Variants in VCAN observed in about 807,000 individuals in gnomAD.
VCAN encodes the protein versican core protein.
Under a neutral mutation model 245.5 loss-of-function variants are expected in VCAN, and 44 were observed. The observed-to-expected ratio is 0.18, with a 90% CI of 0.14 to 0.23. The LOEUF is 0.23. Ranked by LOEUF, VCAN falls within the 10% of genes least tolerant of loss-of-function variation. The pLI, the probability that VCAN is intolerant of heterozygous loss-of-function variation, is 1.00. For synonymous variants in VCAN, 1,413 were observed against 1,437.0 expected, an observed-to-expected ratio of 0.98 and a Z score of 0.38; for missense variants, 3,793 against 4,057.9, an observed-to-expected ratio of 0.93 and a Z score of 1.77.
chr5:83,546,380 A>G (rs1488364426), intron 9 of VCAN, among the ~76,000 whole-genome samples: 1 of 152,186 alleles, frequency 6.6e-6, no homozygotes, highest in Non-Finnish European at 1.5e-5. Flanking sequence ...ATGATTGAGT[A>G]AAGAAAGCTC....
chr5:83,471,950 T>C lies in VCAN; in HGVS notation c.-80T>C, dbSNP rs1179273271. On this transcript the variant is annotated 5_prime_UTR_variant, in exon 1 of 15. Coordinates refer to ENST00000265077, the MANE Select transcript of VCAN (RefSeq NM_004385.5). ...CACCACGCTTCCTATGTGACCCGCC[T>C]GGGCAACGCCGAACCCAGTCGCGCA... is the stretch of plus-strand genomic sequence containing the variant. 1 of 391,938 alleles carries C rather than the reference T, an allele frequency of 2.6e-6. No individual in the cohort carries two copies. The highest frequency in any genetic ancestry group is 4.4e-5 in the Admixed American group (1 of 22,486). The allele number at this position is 391,938 out of a possible 1,614,324, so 24.3% of individuals were successfully genotyped here. A position where few individuals can be genotyped will look rare whatever the true frequency, so the allele number is the denominator to read the frequency against.
intron 5 of VCAN, among the ~76,000 whole-genome samples, chr5:83,505,161 A>G (rs1395152777): frequency 1.3e-5 from 2 of 152,152 alleles, no homozygotes; most frequent in African/African-American, 2.4e-5. Flanking sequence ...TCCAAATCTC[A>G]TGTCCTCACA....
chr5:83,527,528 T>G (rs1746348621), intron 7 of VCAN, among the ~76,000 whole-genome samples: 2 of 152,224 alleles, frequency 1.3e-5, no homozygotes, highest in South Asian at 4.1e-4. Flanking sequence ...TTCCTTTCCT[T>G]TCTGTAGTGT....
chr5:83,541,078 C>G lies in VCAN; in HGVS notation c.8075C>G (p.Ser2692Cys), dbSNP rs533964625. The G allele has an allele frequency of 1.2e-5, 20 of 1,614,024 alleles. No homozygotes were observed. The Admixed American group carries it at 3.3e-4, about 27-fold the overall frequency. ...GACGTTTTACTTCCCACGGCAACAT[C>G]CCTGCCAATTCCTCGTAAGTCTGCC... Reference protein sequence around the residue: ...ELDVLLPTATSLPIPRKSATV... With the variant: ...ELDVLLPTATCLPIPRKSATV... Residue 2692 changes from serine to cysteine, a missense_variant, in exon 8 of 15, where the codon TCC becomes TGC. This residue lies in a region of VCAN where 3,182 missense variants were observed against 3,250.3 expected (regional missense o/e 0.98). Coordinates refer to ENST00000265077, the MANE Select transcript of VCAN (RefSeq NM_004385.5).
At chr5:83,548,455 T>C (rs1444852406) in intron 10 of VCAN, among the ~76,000 whole-genome samples, 1 of 152,212 alleles carries the variant, frequency 6.6e-6, no homozygotes, top group African/African-American at 2.4e-5. Flanking sequence ...TCAATGGACT[T>C]ATTTTTCATA....
At chr5:83,515,751 A>C (rs3852184) in intron 6 of VCAN, among the ~76,000 whole-genome samples, 2 of 152,184 alleles carry the variant, frequency 1.3e-5, no homozygotes, top group Admixed American at 1.3e-4. Context: ...TTATATACTC[A>C]TTCACTGTTA....
intron 12 of VCAN, among the ~76,000 whole-genome samples, chr5:83,567,910 T>A (rs967994294): frequency 6.6e-6 from 1 of 152,212 alleles, no homozygotes; most frequent in East Asian, 1.9e-4. Context: ...TCGCTCAGGA[T>A]GTTTGCTCAT....
At chr5:83,530,096 G>A (rs948454281) in intron 7 of VCAN, among the ~76,000 whole-genome samples, 2 of 152,088 alleles carry the variant, frequency 1.3e-5, no homozygotes, top group African/African-American at 4.8e-5. Flanking sequence ...CAAATCAGAA[G>A]CAGCTGCAGC....
intron 10 of VCAN, among the ~76,000 whole-genome samples, chr5:83,550,543 G>A (rs1161047947): frequency 6.6e-6 from 1 of 152,192 alleles, no homozygotes; most frequent in African/African-American, 2.4e-5. Context: ...CCTGGGAGAT[G>A]CAGCTTGACA....
intron 6 of VCAN, among the ~76,000 whole-genome samples, chr5:83,514,905 A>G (rs1745793852): frequency 1.3e-5 from 2 of 152,244 alleles, no homozygotes; most frequent in African/African-American, 4.8e-5. Flanking sequence ...AAGTGATTTC[A>G]GAGATATACA....
intron 13 of VCAN, among the ~76,000 whole-genome samples, chr5:83,576,131 C>T (rs923090425): frequency 2.6e-5 from 4 of 152,018 alleles, no homozygotes; most frequent in Non-Finnish European, 5.9e-5. Context: ...TCAATGCATA[C>T]TGCCCATGTA....
At chr5:83,574,382 G>T (rs1748401972) in intron 13 of VCAN, among the ~76,000 whole-genome samples, 1 of 152,130 alleles carries the variant, frequency 6.6e-6, no homozygotes, top group African/African-American at 2.4e-5. Flanking sequence ...CCATATGCAT[G>T]TTTTTAAACC....
chr5:83,505,396 A>T (rs1041185149), intron 5 of VCAN, among the ~76,000 whole-genome samples: 1 of 152,178 alleles, frequency 6.6e-6, no homozygotes, highest in Non-Finnish European at 1.5e-5. Flanking sequence ...CCAAAAACAA[A>T]GGGGTTACAG....
Position 83,490,213 on chromosome 5 carries a change from C to T in VCAN, c.186C>T (p.Leu62=). The change falls in exon 3 of 15, where the codon CTC becomes CTT. Residue 62 remains leucine, a synonymous_variant. Transcript: ENST00000265077. ...CCAGTTACAACACCAGTGAATTTCT[C>T]CGCATCAAATGGTCTAAGATTGAAG... ...LPPSYNTSEF[L]RIKWSKIEVD... is the part of the protein sequence containing the mutation. The T allele has an allele frequency of 2.5e-6, 4 of 1,614,158 alleles. No individual in the cohort carries two copies. Among genetic ancestry groups the T allele is most frequent in the Non-Finnish European group, 3.4e-6 (4 of 1,180,036 alleles).
chr5:83,501,059 A>C (rs984257233), intron 5 of VCAN, among the ~76,000 whole-genome samples: 1 of 152,156 alleles, frequency 6.6e-6, no homozygotes, highest in Admixed American at 6.5e-5. Context: ...CTGATGGCTA[A>C]TGAGCTCCAA....
chr5:83,483,969 A>T (rs1320931733), intron 2 of VCAN, among the ~76,000 whole-genome samples: 1 of 152,212 alleles, frequency 6.6e-6, no homozygotes, highest in African/African-American at 2.4e-5. Flanking sequence ...AATTGAGAAG[A>T]TAAAGAGAAA....
At chr5:83,530,638 T>G (rs934209425) in intron 7 of VCAN, among the ~76,000 whole-genome samples, 1 of 152,186 alleles carries the variant, frequency 6.6e-6, no homozygotes, top group African/African-American at 2.4e-5. Context: ...AGAAAATGTA[T>G]AACATTACTT....
intron 7 of VCAN, among the ~76,000 whole-genome samples, chr5:83,525,046 GTT>G (rs34155062): frequency 2.4e-4 from 32 of 132,476 alleles, no homozygotes; most frequent in Admixed American, 3.8e-4. Flanking sequence ...TATAAATCTT[GTT>G]TTTTTTTTTT....
In VCAN at chr5:83,519,752, A is replaced by C. The variant is rs1363221873; in HGVS notation, c.1446A>C (p.Gln482His). The C allele has an allele frequency of 6.2e-7, 1 of 1,614,154 alleles. No individual in the cohort carries two copies. ...GGGATGGTGTCGTGGAAGATAAACA[A>C]ACACAAGAATCGGTTACACAGATTG... ...DSWDGVVEDK[Q>H]TQESVTQIEQ... is the part of the protein sequence containing the mutation. The change falls in exon 7 of 15, where the codon CAA becomes CAC. Residue 482 changes from glutamine (Q) to histidine (H), a missense_variant. By Grantham distance (24) the Gln-to-His change is conservative. This residue lies in a region of VCAN where 3,182 missense variants were observed against 3,250.3 expected (regional missense o/e 0.98). Transcript: ENST00000265077.
Sources: allele counts gnomAD v4.1 joint callset (sites outside exome capture counted in the v4.1 genomes callset), GRCh38; gene constraint gnomAD v4.1.1; regional missense constraint gnomAD v4.1.1; transcripts MANE v1.5; gene names NCBI Gene and HGNC (gene_info 2026-07-23, HGNC 2026-07-21).